Variants in CHD1L observed in about 807,000 individuals in gnomAD.
CHD1L encodes the protein chromodomain helicase DNA binding protein 1 like.
A neutral mutation model predicts 115.9 loss-of-function variants in CHD1L; 118 were observed. That is an observed-to-expected ratio of 1.02 (90% confidence interval 0.88 to 1.19). CHD1L has a LOEUF of 1.19. Among genes scored for constraint, CHD1L ranks in the 50% most tolerant of loss-of-function variants. CHD1L has a pLI of 0.00. For missense variants in CHD1L, 1,179 were observed against 1,065.3 expected, an observed-to-expected ratio of 1.11 and a Z score of -1.49; for synonymous variants, 411 against 387.1, an observed-to-expected ratio of 1.06 and a Z score of -0.72.
chr1:147,212,308 A>T, the CHD1L span: 2 of 1,406,484 alleles, frequency 1.4e-6, no homozygotes, highest in Non-Finnish European at 2.0e-6. Flanking sequence ...AGGTATCCCT[A>T]TTCTCTGTTG....
the CHD1L span, among the ~76,000 whole-genome samples, chr1:147,188,552 A>G: frequency 6.7e-6 from 1 of 148,338 alleles, no homozygotes; most frequent in East Asian, 2.0e-4. Flanking sequence ...AAAGAGCTAT[A>G]GTATTCATGA....
chr1:147,270,057 A>G (rs1553951700), intron 10 of CHD1L, among the ~76,000 whole-genome samples: 2 of 152,192 alleles, frequency 1.3e-5, no homozygotes, highest in African/African-American at 4.8e-5. Flanking sequence ...ACAGCCAACA[A>G]ATGGCAGAAA....
Position 147,295,504 on chromosome 1 carries a change from C to A in CHD1L, c.2689C>A (p.Pro897Thr). The A allele has an allele frequency of 6.2e-7, 1 of 1,608,418 alleles. No homozygotes were observed. Among genetic ancestry groups the A allele is most frequent in the Non-Finnish European group, 8.5e-7 (1 of 1,176,684 alleles). ...ATCTTCCTCCTCAAGACAGCTGGTG[C>A]CTTAAGAATTGGCCCAGCCTCAGAT... ...SSSSSSRQLV[P>T] Residue 897 changes from proline (P) to threonine (T), a missense_variant, in exon 23 of 23, where the codon CCT (proline) becomes ACT (threonine). Pro to Thr is a conservative substitution (Grantham distance 38). Transcript: ENST00000369258.
intron 1 of CHD1L, among the ~76,000 whole-genome samples, chr1:147,245,205 C>G (rs72691015): frequency 0.31 from 46,820 of 152,084 alleles, 7,509 homozygotes; most frequent in South Asian, 0.4. Context: ...TTCCCAGACC[C>G]CACTGTAGTT....
the CHD1L span, among the ~76,000 whole-genome samples, chr1:147,188,526 A>G: frequency 1.4e-5 from 2 of 138,730 alleles, no homozygotes; most frequent in East Asian, 4.1e-4. Flanking sequence ...CCATATCAAA[A>G]AAAAAAAAAA....
chr1:147,197,785 G>A, the CHD1L span, among the ~76,000 whole-genome samples: 1 of 152,178 alleles, frequency 6.6e-6, no homozygotes, highest in African/African-American at 2.4e-5. Flanking sequence ...GGCTAACACA[G>A]TCTTCCTTGC....
At chr1:147,232,624 G>A in the CHD1L span, among the ~76,000 whole-genome samples, 5 of 150,490 alleles carry the variant, frequency 3.3e-5, no homozygotes, top group Admixed American at 1.3e-4. Context: ...TCAGCCTGCC[G>A]AGTGCCTGCG....
At chr1:147,234,090 A>AT in the CHD1L span, among the ~76,000 whole-genome samples, 1 of 152,164 alleles carries the variant, frequency 6.6e-6, no homozygotes, top group South Asian at 2.1e-4. Flanking sequence ...AGAATGATCA[A>AT]TAAAAAAAAT....
At chr1:147,267,036 G>GAGTGCAAA (rs1559794185) in intron 8 of CHD1L, among the ~76,000 whole-genome samples, 2 of 152,188 alleles carry the variant, frequency 1.3e-5, no homozygotes, top group Non-Finnish European at 2.9e-5. Flanking sequence ...GTATTTAAGA[G>GAGTGCAAA]AGTGCAAAAC....
At chr1:147,198,303 T>C in the CHD1L span, among the ~76,000 whole-genome samples, 1 of 152,172 alleles carries the variant, frequency 6.6e-6, no homozygotes. Flanking sequence ...TAGGCAGTGG[T>C]CTAGGCTTGC....
chr1:147,216,459 C>T, the CHD1L span, among the ~76,000 whole-genome samples: 1 of 152,102 alleles, frequency 6.6e-6, no homozygotes, highest in African/African-American at 2.4e-5. Context: ...TGGGAAGATA[C>T]ACAGGAAAGA....
intron 14 of CHD1L, 103 bp downstream of exon 14, chr1:147,276,360 C>T: frequency 8.1e-7 from 1 of 1,239,998 alleles, no homozygotes; most frequent in Non-Finnish European, 1.1e-6. Context: ...CCCAGCTACA[C>T]ATTTGTTCCT....
the CHD1L span, among the ~76,000 whole-genome samples, chr1:147,214,513 A>G: frequency 8.6e-5 from 13 of 151,552 alleles, no homozygotes; most frequent in East Asian, 2.3e-3. Flanking sequence ...CTAGCAATCC[A>G]GCACTATTTA....
At chr1:147,208,977 C>T in the CHD1L span, 4 of 1,613,912 alleles carry the variant, frequency 2.5e-6, no homozygotes, top group Non-Finnish European at 3.4e-6. Flanking sequence ...GAGAAGAGAA[C>T]AACACATCAG....
chr1:147,275,980 C>A (rs1473787406), intron 13 of CHD1L, 124 bp from the exon 14 acceptor site: 2 of 930,722 alleles, frequency 2.1e-6, no homozygotes, highest in Non-Finnish European at 3.3e-6. Flanking sequence ...GAACCAATCT[C>A]CCTTTCATTG....
rs6674796 is a variant in CHD1L at position 147,269,167 on chromosome 1, G to A, written c.1085+289G>A. On this transcript the variant is annotated intron_variant, in intron 10 of 22. Coordinates refer to ENST00000369258, the MANE Select transcript of CHD1L (RefSeq NM_004284.6). ...TGATTAACTGGTGTTTATGTTTACC[G>A]TTATCATTCCAACTATATATTGTTT... Among the ~76,000 whole-genome samples, 1,071 of 152,184 alleles carry A rather than the reference G, an allele frequency of 7.0e-3. 12 individuals carry two copies. Among genetic ancestry groups the A allele is most frequent in the African/African-American group, 0.024 (981 of 41,510 alleles).
chr1:147,183,511 G>A, the CHD1L span, among the ~76,000 whole-genome samples: 1 of 152,152 alleles, frequency 6.6e-6, no homozygotes. Context: ...AGTTCAAGGA[G>A]GAAACAGGTG....
chr1:147,191,618 T>C, the CHD1L span, among the ~76,000 whole-genome samples: 1 of 151,736 alleles, frequency 6.6e-6, no homozygotes, highest in African/African-American at 2.4e-5. Flanking sequence ...TGAAAATTTT[T>C]TCCCATTTTC....
the CHD1L span, chr1:147,212,577 TGATA>T: frequency 6.4e-7 from 1 of 1,564,370 alleles, no homozygotes; most frequent in Non-Finnish European, 8.7e-7. Flanking sequence ...ATGGTTTACA[TGATA>T]GATATCATTT....
Sources: gnomAD v4.1 joint callset for allele counts (sites outside exome capture counted in the v4.1 genomes callset) on GRCh38, gnomAD v4.1.1 for gene constraint, MANE v1.5 for transcripts, NCBI Gene and HGNC (gene_info 2026-07-23, HGNC 2026-07-21) for gene names.